The following BRINP1 variants were observed in gnomAD, a reference collection of about 807,000 sequenced individuals.
BRINP1 encodes BMP/retinoic acid-inducible neural-specific protein 1.
In BRINP1, 17 loss-of-function variants were observed where a neutral mutation model predicts 72.9. The observed-to-expected ratio is 0.23, with a 90% confidence interval of 0.16 to 0.35. BRINP1 has a LOEUF of 0.35. BRINP1 is among the 10% of genes least tolerant of loss of function. The pLI is 1.00. For missense variants in BRINP1, 850 were observed against 1,001.6 expected (o/e 0.85, Z 2.04); for synonymous variants, 418 against 378.5 (o/e 1.10, Z -1.21).
intron 2 of BRINP1, among the ~76,000 whole-genome samples, chr9:119,268,121 T>C (rs2118947658): frequency 6.6e-6 from 1 of 152,214 alleles, no homozygotes; most frequent in East Asian, 1.9e-4. Flanking sequence ...CACATGCCTG[T>C]AATCCCAGCT....
chr9:119,288,230 A>G (rs1830786564), intron 2 of BRINP1, among the ~76,000 whole-genome samples: 1 of 152,212 alleles, frequency 6.6e-6, no homozygotes, highest in Non-Finnish European at 1.5e-5. Flanking sequence ...ATATAACTTC[A>G]ACCTCACAGT....
At chr9:119,334,411 C>A (rs1342258440) in intron 1 of BRINP1, among the ~76,000 whole-genome samples, 2 of 152,124 alleles carry the variant, frequency 1.3e-5, no homozygotes, top group Non-Finnish European at 2.9e-5. Context: ...AAGTAGTGTG[C>A]CTAAGATTAC....
chr9:119,308,516 G>C (rs1460377772), intron 2 of BRINP1, among the ~76,000 whole-genome samples: 1 of 152,138 alleles, frequency 6.6e-6, no homozygotes, highest in Admixed American at 6.6e-5. Flanking sequence ...GCTGTATAAA[G>C]ACCACATCTC....
intron 2 of BRINP1, among the ~76,000 whole-genome samples, chr9:119,308,885 G>A (rs1831027944): frequency 6.6e-6 from 1 of 151,738 alleles, no homozygotes; most frequent in African/African-American, 2.4e-5. Context: ...TGACTCTTCA[G>A]ATCCAAAGAG....
intron 1 of BRINP1, among the ~76,000 whole-genome samples, chr9:119,340,136 T>A (rs189856872): frequency 2.6e-4 from 39 of 152,312 alleles, no homozygotes; most frequent in Admixed American, 5.9e-4. Flanking sequence ...TTTACTTATT[T>A]ATTTAGAATT....
At chr9:119,203,212 G>C (rs561003365) in intron 7 of BRINP1, among the ~76,000 whole-genome samples, 1 of 152,230 alleles carries the variant, frequency 6.6e-6, no homozygotes, top group East Asian at 1.9e-4. Context: ...GCTCTGCACA[G>C]TGATCTTGAC....
chr9:119,258,230 C>T (rs1279542633), intron 2 of BRINP1, among the ~76,000 whole-genome samples: 1 of 152,040 alleles, frequency 6.6e-6, no homozygotes, highest in East Asian at 1.9e-4. Flanking sequence ...GGTAAATAAC[C>T]TAAGGGGAGC....
At chr9:119,220,575 C>T (rs1307404609) in intron 5 of BRINP1, among the ~76,000 whole-genome samples, 1 of 151,876 alleles carries the variant, frequency 6.6e-6, no homozygotes, top group East Asian at 1.9e-4. Flanking sequence ...CTTCCCACCT[C>T]CTAAAGAAAC....
chr9:119,270,784 AAAG>A (rs1347853531), intron 2 of BRINP1, among the ~76,000 whole-genome samples: 1 of 152,148 alleles, frequency 6.6e-6, no homozygotes, highest in African/African-American at 2.4e-5. Flanking sequence ...AGAAAAATGT[AAAG>A]AAGAAATATT....
intron 1 of BRINP1, among the ~76,000 whole-genome samples, chr9:119,333,849 G>A (rs1831324350): frequency 6.6e-6 from 1 of 152,112 alleles, no homozygotes; most frequent in African/African-American, 2.4e-5. Flanking sequence ...TGGATGAAAG[G>A]GCCCTTAATC....
At chr9:119,358,079 G>A (rs1322870424) in intron 1 of BRINP1, among the ~76,000 whole-genome samples, 1 of 152,162 alleles carries the variant, frequency 6.6e-6, no homozygotes, top group Admixed American at 6.5e-5. Context: ...GGAAAATGGG[G>A]AGAATAGTTA....
intron 2 of BRINP1, among the ~76,000 whole-genome samples, chr9:119,301,963 T>C (rs1588197411): frequency 6.6e-6 from 1 of 152,224 alleles, no homozygotes; most frequent in African/African-American, 2.4e-5. Flanking sequence ...GTGATCTTTG[T>C]AAGATGACAA....
chr9:119,287,497 T>C (rs1325203590), intron 2 of BRINP1, among the ~76,000 whole-genome samples: 2 of 152,170 alleles, frequency 1.3e-5, no homozygotes, highest in African/African-American at 4.8e-5. Flanking sequence ...GATAACTCAA[T>C]TGGTGAGATA....
At chr9:119,294,040 G>A (rs1830849777) in intron 2 of BRINP1, among the ~76,000 whole-genome samples, 1 of 151,984 alleles carries the variant, frequency 6.6e-6, no homozygotes, top group African/African-American at 2.4e-5. Flanking sequence ...AACAAAAATG[G>A]TACAACTTAT....
chr9:119,338,414 A>G (rs1020073823), intron 1 of BRINP1, among the ~76,000 whole-genome samples: 2 of 151,738 alleles, frequency 1.3e-5, no homozygotes, highest in African/African-American at 4.8e-5. Context: ...TGTGCTGGGT[A>G]CTTGTTGAAA....
rs756854884 is a variant in BRINP1, at chr9:119,213,974, C to T, written c.867G>A (p.Thr289=). ...CCCAAGACTTGGCCATGTTGGCCAG[C>T]GTGTACTCCATGATCTGGATGTCCG... ...PITDIQIMEY[T]LANMAKSWAE... is the part of the protein sequence containing the mutation. The change falls in exon 6 of 8, where the codon ACG becomes ACA. Residue 289 remains threonine, a synonymous_variant. Coordinates refer to ENST00000265922, the MANE Select transcript of BRINP1 (RefSeq NM_014618.3). 49 of 1,614,074 alleles carry T rather than the reference C, an allele frequency of 3.0e-5. No individual in the cohort carries two copies. The highest frequency in any genetic ancestry group is 2.2e-4 in the Admixed American group (13 of 60,010).
chr9:119,192,904 A>G (rs1186367073), intron 7 of BRINP1, among the ~76,000 whole-genome samples: 2 of 152,106 alleles, frequency 1.3e-5, no homozygotes, highest in Non-Finnish European at 2.9e-5. Flanking sequence ...GTTTCTCAGT[A>G]TCTACTGGGA....
intron 7 of BRINP1, among the ~76,000 whole-genome samples, chr9:119,180,479 ATGTGTGTGTGTGTGTGTGTG>A (rs112009324): frequency 1.5e-5 from 2 of 132,222 alleles, no homozygotes; most frequent in Non-Finnish European, 3.3e-5. Flanking sequence ...CTCTCTGTGC[ATGTGTGTGTGTGTGTGTGTG>A]TGTGTGTGTG....
chr9:119,301,905 C>G (rs964646127), intron 2 of BRINP1, among the ~76,000 whole-genome samples: 13 of 152,122 alleles, frequency 8.5e-5, no homozygotes, highest in African/African-American at 3.1e-4. Context: ...TACTTTGCAC[C>G]GTCTCCCATC....
Sources: gnomAD v4.1 joint callset for allele counts (sites outside exome capture counted in the v4.1 genomes callset) on GRCh38, gnomAD v4.1.1 for gene constraint, MANE v1.5 for transcripts, NCBI Gene and HGNC (gene_info 2026-07-23, HGNC 2026-07-21) for gene names.